The following COG2 variants were observed in gnomAD, a reference collection of about 807,000 sequenced individuals.
COG2 encodes the protein conserved oligomeric Golgi complex subunit 2.
In COG2, 52 loss-of-function variants were observed where a neutral mutation model predicts 90.6. The ratio of observed to expected loss-of-function variants is 0.57; its 90% CI spans 0.46 to 0.72. The LOEUF is 0.72. COG2 is among the 30% of genes least tolerant of loss of function. The pLI is 0.00. For synonymous variants in COG2, 337 were observed against 320.4 expected, an observed-to-expected ratio of 1.05 and a Z score of -0.55; for missense variants, 829 against 891.2, an observed-to-expected ratio of 0.93 and a Z score of 0.89.
intron 3 of COG2, 29 bp from the exon 4 acceptor site, chr1:230,663,112 G>A: frequency 6.5e-7 from 1 of 1,535,516 alleles, no homozygotes. Flanking sequence ...AACAATCTCT[G>A]CAGTACTTTT....
At chr1:230,668,137 A>G (rs1662362676) in intron 5 of COG2, among the ~76,000 whole-genome samples, 1 of 152,104 alleles carries the variant, frequency 6.6e-6, no homozygotes. Context: ...AGACAAATAT[A>G]TTTGGTATTT....
chr1:230,665,283 C>T (rs555232205), intron 5 of COG2, among the ~76,000 whole-genome samples: 43 of 152,250 alleles, frequency 2.8e-4, no homozygotes, highest in African/African-American at 9.6e-4. Flanking sequence ...TGTCATCTCT[C>T]ATATAAGGCT....
chr1:230,668,423 G>T (rs1662368211), intron 5 of COG2, among the ~76,000 whole-genome samples: 1 of 151,962 alleles, frequency 6.6e-6, no homozygotes, highest in African/African-American at 2.4e-5. Flanking sequence ...AGGCCAGGCA[G>T]CATCAGCAGC....
chr1:230,661,919 A>C (rs971793574), intron 3 of COG2, among the ~76,000 whole-genome samples: 1 of 152,032 alleles, frequency 6.6e-6, no homozygotes, highest in Non-Finnish European at 1.5e-5. Context: ...TGGCTTTTAC[A>C]TGGCTCTTGG....
At chr1:230,645,213 G>A (rs1475378253) in intron 1 of COG2, among the ~76,000 whole-genome samples, 1 of 143,160 alleles carries the variant, frequency 7.0e-6, no homozygotes, top group Non-Finnish European at 1.5e-5. Context: ...TTCAGCCTGG[G>A]CAACAGAAAG....
intron 12 of COG2, 26 bp from the exon 13 acceptor site, chr1:230,686,909 A>T: frequency 7.0e-7 from 1 of 1,433,802 alleles, no homozygotes; most frequent in Non-Finnish European, 9.4e-7. Context: ...GTGTGAAAGT[A>T]GTTAATCAGT....
At chr1:230,684,852 C>A (rs1418505326) in intron 11 of COG2, among the ~76,000 whole-genome samples, 1 of 152,186 alleles carries the variant, frequency 6.6e-6, no homozygotes, top group Non-Finnish European at 1.5e-5. Context: ...TTTATCCAAA[C>A]ACCTGGGAGA....
chr1:230,645,198 T>C (rs1571938623), intron 1 of COG2, among the ~76,000 whole-genome samples: 1 of 134,518 alleles, frequency 7.4e-6, no homozygotes, highest in East Asian at 2.1e-4. Context: ...ATTGCAGCAC[T>C]GCACTTCAGC....
chr1:230,690,939 G>A (rs1663009929), intron 16 of COG2, among the ~76,000 whole-genome samples: 1 of 152,074 alleles, frequency 6.6e-6, no homozygotes, highest in Admixed American at 6.5e-5. Flanking sequence ...TTAAAATTCT[G>A]AAATACTTTT....
intron 6 of COG2, 192 bp from the exon 7 acceptor site, chr1:230,669,164 T>C (rs1254001702): frequency 4.3e-5 from 22 of 511,344 alleles, no homozygotes; most frequent in Non-Finnish European, 7.0e-5. Flanking sequence ...AAATTCTTCT[T>C]TGATGAAGCA....
chr1:230,685,046 A>G (rs1391389376), intron 11 of COG2, 39 bp from the exon 12 acceptor site: 11 of 1,609,804 alleles, frequency 6.8e-6, no homozygotes, highest in African/African-American at 1.3e-5. Flanking sequence ...AAATTGCCTG[A>G]AATTCCTTAA....
intron 6 of COG2, chr1:230,669,085 A>G: frequency 2.2e-6 from 1 of 453,746 alleles, no homozygotes; most frequent in Non-Finnish European, 3.9e-6. Context: ...TAAATCCATG[A>G]TGTTTCCTCA....
rs199851079 is a variant in COG2, at chr1:230,679,070, C to T, written c.1166+18C>T. On this transcript the variant is annotated intron_variant, in intron 10 of 17. Transcript: ENST00000366669. ...CAAATAAGGTTGGTCATCTATTCAC[C>T]GCCCCCGCCCCGCACCCTTCTAAAA... 74 of 1,606,548 alleles carry T rather than the reference C, an allele frequency of 4.6e-5. No homozygotes were observed. Among genetic ancestry groups the T allele is most frequent in the Middle Eastern group, 3.4e-4 (2 of 5,956 alleles).
chr1:230,682,739 C>T (rs1398910628), intron 10 of COG2: 2 of 152,074 alleles, frequency 1.3e-5, no homozygotes, highest in African/African-American at 4.8e-5. Context: ...GAGCATGCAT[C>T]AGAATTCATT....
intron 1 of COG2, among the ~76,000 whole-genome samples, chr1:230,650,054 C>T (rs1456986270): frequency 1.3e-5 from 2 of 152,222 alleles, no homozygotes; most frequent in African/African-American, 4.8e-5. Flanking sequence ...GACATGATTT[C>T]ATCTTTTTAA....
At position 230,663,195 on chromosome 1, in the gene COG2, AAAC is replaced by A. The variant is rs1431118131; in HGVS notation, c.358_360del (p.Gln120del). 1 of 1,612,234 alleles carries A rather than the reference AAAC, an allele frequency of 6.2e-7. No homozygotes were observed. The highest frequency in any genetic ancestry group is 2.2e-5 in the East Asian group (1 of 44,772). ...TCGGGCAGTTGATGAACGAATGTCT[AAAC>A]AAGAGGACATTAGGAAAAAAAAGGT... On this transcript the variant is annotated inframe_deletion, in exon 4 of 18. Transcript: ENST00000366669.
intron 10 of COG2, chr1:230,680,255 A>G (rs1043053694): frequency 2.0e-5 from 3 of 152,200 alleles, no homozygotes; most frequent in African/African-American, 7.2e-5. Context: ...TAATGTTTAC[A>G]TTTCCCCATC....
In COG2 at chr1:230,691,473, C is replaced by G. The variant is rs772349948; in HGVS notation, c.2024C>G (p.Pro675Arg). 5.0e-6 allele frequency: 8 copies of G among 1,614,098 alleles called. No individual in the cohort carries two copies. The highest frequency in any genetic ancestry group is 6.8e-6 in the Non-Finnish European group (8 of 1,180,024). The change falls in exon 17 of 18, where the codon CCC becomes CGC. Residue 675 changes from proline to arginine, a missense_variant. Pro to Arg is a moderately radical substitution (Grantham distance 103). Transcript: ENST00000366669. ...CTGAAACAAGCCAGAAAAACCACTC[C>G]CGCCAACCCCGTCGGTCCCAGTGGT... is the stretch of plus-strand genomic sequence containing the variant. ...KRLKQARKTT[P>R]ANPVGPSGGM...
rs200705175 is a variant in COG2 at position 230,678,952 on chromosome 1, C to T, written c.1066C>T (p.Arg356Trp). 1.2e-4 allele frequency: 191 copies of T among 1,613,162 alleles called. No homozygotes were observed. Among genetic ancestry groups the T allele is most frequent in the Middle Eastern group, 3.3e-4 (2 of 6,082 alleles). ...TATGGATTTTGTCAGAAGATTGGAA[C>T]GGCAGTGTGGATCACAGGCTAGTGT... ...ISMDFVRRLERQCGSQASVKR... is the reference protein window; with the variant it reads ...ISMDFVRRLEWQCGSQASVKR... The change falls in exon 10 of 18, where the codon CGG (arginine) becomes TGG (tryptophan). Residue 356 changes from arginine (R) to tryptophan (W), a missense_variant. Physicochemically the swap from Arg to Trp is moderately radical, Grantham distance 101 (BLOSUM62 -3). Coordinates refer to ENST00000366669, the MANE Select transcript of COG2 (RefSeq NM_007357.3).
Sources: gnomAD v4.1 joint callset for allele counts (sites outside exome capture counted in the v4.1 genomes callset) on GRCh38, gnomAD v4.1.1 for gene constraint, MANE v1.5 for transcripts, NCBI Gene and HGNC (gene_info 2026-07-23, HGNC 2026-07-21) for gene names.